The following LIPE variants were observed in gnomAD, a reference collection of about 807,000 sequenced individuals.
LIPE encodes lipase E, hormone sensitive type, also known as hormone-sensitive lipase.
A neutral mutation model predicts 88.5 loss-of-function variants in LIPE; 66 were observed. The ratio of observed to expected loss-of-function variants is 0.75; its 90% CI spans 0.61 to 0.91. The LOEUF is 0.91. LIPE is among the 40% of genes least tolerant of loss of function. The pLI is 0.00. For missense variants in LIPE, 1,346 were observed against 1,434.7 expected (o/e 0.94, Z 1.00); for synonymous variants, 570 against 617.5 (o/e 0.92, Z 1.14).
intron 8 of LIPE, 28 bp downstream of exon 8, chr19:42,405,356 TG>T (rs1325954976): frequency 6.2e-7 from 1 of 1,607,206 alleles, no homozygotes; most frequent in Admixed American, 1.7e-5. Flanking sequence ...CCACCCTGGC[TG>T]GGCATGTGAC....
At chr19:42,423,890 C>T (rs2040654680) in intron 1 of LIPE, 1 of 1,141,072 alleles carries the variant, frequency 8.8e-7, no homozygotes, top group African/African-American at 1.6e-5. Context: ...GGGAAGCCTC[C>T]CATGTGCTGG....
At chr19:42,425,783 C>G (rs553186530) in intron 1 of LIPE, among the ~76,000 whole-genome samples, 46 of 152,244 alleles carry the variant, frequency 3.0e-4, no homozygotes, top group African/African-American at 1.1e-3. Context: ...GCACCCCAGC[C>G]TGGGCGACAG....
At chr19:42,412,167 C>G in intron 1 of LIPE, 1 of 536,074 alleles carries the variant, frequency 1.9e-6, no homozygotes, top group South Asian at 8.1e-5. Context: ...GCCATTCAGG[C>G]TGCCCTGTTT....
At chr19:42,417,950 T>C (rs1487885768) in intron 1 of LIPE, among the ~76,000 whole-genome samples, 5 of 151,070 alleles carry the variant, frequency 3.3e-5, no homozygotes, top group Admixed American at 6.6e-5. Flanking sequence ...ACTTGGCTGA[T>C]AGAGCACCAG....
Position 42,407,545 on chromosome 19 carries a change from G to A in LIPE, c.1842+61C>T. ...CTGCACCCCTCCATGGGGATGCCAA[G>A]GTGGGGGCTGCCCACGCTCCTCGGC... On this transcript the variant is annotated intron_variant, in intron 5 of 9. Transcript: ENST00000244289. The surrounding 1 kb of genome is among the most constrained non-coding windows in gnomAD (Gnocchi z 5.8). 1.3e-6 allele frequency: 2 copies of A among 1,575,878 alleles called. No individual in the cohort carries two copies.
Position 42,410,555 on chromosome 19 carries a change from AT to A in LIPE, c.1170del (p.Lys390AsnfsTer173). 2 of 1,612,720 alleles carry A rather than the reference AT, an allele frequency of 1.2e-6. No homozygotes were observed. Among genetic ancestry groups the A allele is most frequent in the Non-Finnish European group, 1.7e-6 (2 of 1,179,918 alleles). ...ARCCLAHLLH[K>X]SRYVASNRRS... Reference sequence around the variant, plus strand: ...CGGCGGTTGGAGGCCACATAGCGGGATTTGTGCAGGAGGTGCGCCAGGCAGC... The same window carrying A: ...CGGCGGTTGGAGGCCACATAGCGGGATTGTGCAGGAGGTGCGCCAGGCAGC... On this transcript the variant is annotated frameshift_variant, in exon 2 of 10. Transcript: ENST00000244289. LOFTEE classifies it high-confidence loss of function. This position sits in a 1 kb window ranked among gnomAD's most constrained non-coding sequence, Gnocchi z 6.1.
intron 1 of LIPE, chr19:42,424,678 A>G (rs1166697443): frequency 2.2e-6 from 1 of 455,344 alleles, no homozygotes; most frequent in South Asian, 1.6e-5. Context: ...CCTCTGGACC[A>G]GGGCCTCACA....
At chr19:42,413,166 T>C (rs1048937814) in intron 1 of LIPE, among the ~76,000 whole-genome samples, 10 of 152,244 alleles carry the variant, frequency 6.6e-5, no homozygotes, top group African/African-American at 2.4e-4. Flanking sequence ...CCCCAGTTGC[T>C]TCTCCCCAGC....
chr19:42,402,906 C>CCGA lies in LIPE; in HGVS notation c.2665_2667dup (p.Ser889dup), dbSNP rs1248387156. Reference sequence around the variant, plus strand: ...GCTGACAGCGACATCTCGGGGGTGTCCGACGACGTCTCGGAGTTTCCCCTC... The same window carrying CCGA: ...GCTGACAGCGACATCTCGGGGGTGTCCGACGACGACGTCTCGGAGTTTCCCCTC... On this transcript the variant is annotated inframe_insertion, in exon 9 of 10. Transcript: ENST00000244289. 1 of 1,612,706 alleles carries CCGA rather than the reference C, an allele frequency of 6.2e-7. No homozygotes were observed. The highest frequency in any genetic ancestry group is 1.3e-5 in the African/African-American group (1 of 74,888).
chr19:42,406,131 C>G lies in LIPE; in HGVS notation c.2365+30G>C, dbSNP rs762000313. ...GCAGGAGTCAGACATCCATGCAGTC[C>G]TGTTTCCCTGCTGAGGGTGTGGGCC... On this transcript the variant is annotated intron_variant, in intron 7 of 9. Transcript: ENST00000244289. The surrounding 1 kb of genome is among the most constrained non-coding windows in gnomAD (Gnocchi z 5.7). 4.5e-6 allele frequency: 7 copies of G among 1,568,112 alleles called. No homozygotes were observed. Among genetic ancestry groups the G allele is most frequent in the Non-Finnish European group, 4.4e-6 (5 of 1,144,728 alleles).
chr19:42,410,634 C>T lies in LIPE; in HGVS notation c.1092G>A (p.Leu364=). ...RLLGVAHLFD[L]DPETPANGYR... ...ACCCGTTGGCCGGTGTCTCTGGGTCCAGGTCAAAGAGGTGCGCCACACCCA... is the reference window on the plus strand; with the variant it reads ...ACCCGTTGGCCGGTGTCTCTGGGTCTAGGTCAAAGAGGTGCGCCACACCCA... Residue 364 remains leucine (L), a synonymous_variant, in exon 2 of 10, where the codon CTG becomes CTA. Transcript: ENST00000244289. This position sits in a 1 kb window ranked among gnomAD's most constrained non-coding sequence, Gnocchi z 6.1. The T allele has an allele frequency of 6.2e-7, 1 of 1,613,384 alleles. No individual in the cohort carries two copies. Among genetic ancestry groups the T allele is most frequent in the South Asian group, 1.1e-5 (1 of 91,048 alleles).
intron 1 of LIPE, chr19:42,412,269 C>T (rs1372651239): frequency 2.0e-6 from 2 of 985,476 alleles, no homozygotes; most frequent in Non-Finnish European, 2.4e-6. Context: ...AGCCCAGCAC[C>T]TTGCCTGTTC....
Position 42,407,478 on chromosome 19 carries a change from A to G in LIPE, c.1843-10T>C. On this transcript the variant is annotated splice_polypyrimidine_tract_variant and intron_variant, in intron 5 of 9. Coordinates refer to ENST00000244289, the MANE Select transcript of LIPE (RefSeq NM_005357.4). This position sits in a 1 kb window ranked among gnomAD's most constrained non-coding sequence, Gnocchi z 5.8. ...TGAGCTCCTCACTGTCCTGGGGGTG[A>G]GGAGGGAGACGGTGTGTGAGGTTGG... 6.2e-7 allele frequency: 1 copy of G among 1,605,796 alleles called. No homozygotes were observed. Among genetic ancestry groups the G allele is most frequent in the Non-Finnish European group, 8.5e-7 (1 of 1,174,262 alleles).
At chr19:42,402,194 G>T in intron 9 of LIPE, 119 bp from the exon 10 acceptor site, 1 of 1,011,672 alleles carries the variant, frequency 9.9e-7, no homozygotes, top group South Asian at 1.9e-5. Flanking sequence ...CAGACGGAGT[G>T]GACGGAGGCA....
chr19:42,412,532 CAG>C, intron 1 of LIPE: 8 of 985,978 alleles, frequency 8.1e-6, no homozygotes, highest in Non-Finnish European at 9.6e-6. Flanking sequence ...GTGCTGTAAA[CAG>C]AGTAGAGGGC....
In LIPE at chr19:42,406,295, C is replaced by T. The variant is rs759897422; in HGVS notation, c.2231G>A (p.Arg744Gln). ...VALRAAAYGV[R>Q]VPDGIMAAYP... ...GGCTGCCATGATGCCATCTGGCACC[C>T]GCACCCCGTAGGCTGCTGCCCGAAG... The change falls in exon 7 of 10, where the codon CGG becomes CAG. Residue 744 changes from arginine (R) to glutamine (Q), a missense_variant. Transcript: ENST00000244289. This position sits in a 1 kb window ranked among gnomAD's most constrained non-coding sequence, Gnocchi z 5.7. 4.7e-5 allele frequency: 76 copies of T among 1,614,058 alleles called. 1 individual carries two copies. In the South Asian group the frequency reaches 5.6e-4, roughly 12 times the overall value.
At chr19:42,423,620 C>G in intron 1 of LIPE, 1 of 1,188,236 alleles carries the variant, frequency 8.4e-7, no homozygotes, top group South Asian at 1.5e-5. Context: ...ACACTACTGT[C>G]GGGCCCCCCT....
At chr19:42,424,225 A>G in intron 1 of LIPE, 1 of 784,390 alleles carries the variant, frequency 1.3e-6, no homozygotes, top group Non-Finnish European at 1.9e-6. Flanking sequence ...GTGGTAGGAG[A>G]ACGCTCGGCG....
intron 1 of LIPE, among the ~76,000 whole-genome samples, chr19:42,411,728 C>A (rs2040380117): frequency 1.3e-5 from 2 of 152,316 alleles, no homozygotes; most frequent in South Asian, 2.1e-4. Flanking sequence ...GGTCCCCTGG[C>A]CTTCAGGCTT....
Sources: gnomAD v4.1 joint callset for allele counts (sites outside exome capture counted in the v4.1 genomes callset) on GRCh38, gnomAD v4.1.1 for gene constraint, Gnocchi (gnomAD v3.1) non-coding constraint, MANE v1.5 for transcripts, NCBI Gene and HGNC (gene_info 2026-07-23, HGNC 2026-07-21) for gene names.